TYW1: variants seen among roughly 807,000 people sequenced by gnomAD.
TYW1 encodes S-adenosyl-L-methionine-dependent tRNA 4-demethylwyosine synthase TYW1.
Under a neutral mutation model 96.2 loss-of-function variants are expected in TYW1, and 46 were observed. That is an observed-to-expected ratio of 0.48 (90% CI 0.38 to 0.61). The LOEUF (loss-of-function observed/expected upper bound fraction) is 0.61. Ranked by LOEUF, TYW1 falls within the 20% of genes least tolerant of loss-of-function variation. The pLI, the probability that TYW1 is intolerant of heterozygous loss-of-function variation, is 0.00. For missense variants in TYW1, 684 were observed against 909.6 expected, an observed-to-expected ratio of 0.75 and a Z score of 3.19; for synonymous variants, 274 against 323.0, an observed-to-expected ratio of 0.85 and a Z score of 1.63.
At chr7:67,228,269 T>C (rs560061157) in intron 15 of TYW1, among the ~76,000 whole-genome samples, 1 of 152,280 alleles carries the variant, frequency 6.6e-6, no homozygotes, top group Admixed American at 6.5e-5. Context: ...ATCACAATCG[T>C]GGCGGAAGGT....
intron 12 of TYW1, among the ~76,000 whole-genome samples, chr7:67,113,662 G>A (rs1279641080): frequency 2.3e-5 from 3 of 131,826 alleles, no homozygotes; most frequent in East Asian, 4.0e-4. Context: ...TTTTTGATGT[G>A]GAGTCTTGCT....
At chr7:67,224,536 G>T (rs1417393001) in intron 15 of TYW1, among the ~76,000 whole-genome samples, 1 of 152,176 alleles carries the variant, frequency 6.6e-6, no homozygotes, top group Non-Finnish European at 1.5e-5. Context: ...GAACTCAGTG[G>T]TAAACTTAGC....
intron 13 of TYW1, among the ~76,000 whole-genome samples, chr7:67,155,818 T>G (rs755981480): frequency 3.3e-5 from 5 of 152,222 alleles, no homozygotes; most frequent in Admixed American, 6.5e-5. Context: ...ATTGATATCT[T>G]ACACCTGGTT....
intron 15 of TYW1, among the ~76,000 whole-genome samples, chr7:67,234,348 T>TAAAAAAAAA (rs57100190): frequency 0.071 from 6,059 of 85,016 alleles, 88 homozygotes; most frequent in Non-Finnish European, 0.091. Flanking sequence ...ACCTATCTCT[T>TAAAAAAAAA]AAAAAAAAAA....
chr7:67,165,541 A>C (rs1799293243), intron 13 of TYW1, among the ~76,000 whole-genome samples: 1 of 151,804 alleles, frequency 6.6e-6, no homozygotes. Context: ...CTATCTTCCC[A>C]GTTTTGGCAG....
chr7:67,116,873 T>TA (rs1344140922), intron 12 of TYW1, among the ~76,000 whole-genome samples: 2 of 152,200 alleles, frequency 1.3e-5, no homozygotes, highest in Non-Finnish European at 2.9e-5. Context: ...TGGTCCTGTG[T>TA]AAGTATGAGG....
chr7:67,200,866 T>A (rs1156663855), intron 15 of TYW1, among the ~76,000 whole-genome samples: 2 of 151,930 alleles, frequency 1.3e-5, no homozygotes, highest in African/African-American at 2.4e-5. Context: ...GCAGAAACAG[T>A]ACAAGCAGAG....
At chr7:67,112,618 A>AG in intron 12 of TYW1, among the ~76,000 whole-genome samples, 1 of 66,058 alleles carries the variant, frequency 1.5e-5, no homozygotes, top group African/African-American at 9.0e-5. Flanking sequence ...TCTTGTCTTT[A>AG]AAAAAAAAAA....
At chr7:67,194,293 A>G (rs920843748) in intron 14 of TYW1, among the ~76,000 whole-genome samples, 5 of 151,784 alleles carry the variant, frequency 3.3e-5, no homozygotes, top group Non-Finnish European at 7.4e-5. Context: ...TTGTTTATGT[A>G]ACCACATTCA....
At chr7:67,094,671 TG>T (rs1796837126) in intron 11 of TYW1, among the ~76,000 whole-genome samples, 1 of 151,812 alleles carries the variant, frequency 6.6e-6, no homozygotes, top group Non-Finnish European at 1.5e-5. Flanking sequence ...TGTGTGTGTG[TG>T]TGTGTGTGTG....
intron 15 of TYW1, among the ~76,000 whole-genome samples, chr7:67,202,683 C>CA (rs1800640023): frequency 6.6e-6 from 1 of 152,146 alleles, no homozygotes; most frequent in Non-Finnish European, 1.5e-5. Context: ...AGACATGAGC[C>CA]ACCGTAAGCC....
Position 67,233,576 on chromosome 7 carries a change from G to A in TYW1, c.1978-4732G>A, listed in dbSNP as rs558396614. On this transcript the variant is annotated intron_variant, in intron 15 of 15. Coordinates refer to ENST00000359626, the MANE Select transcript of TYW1 (RefSeq NM_018264.4). ...TTATTTGTAATTCTGCATAGATTCC[G>A]TTCTTCCCTTACTGTTGGATTCGAG... 5.8e-4 allele frequency among the ~76,000 whole-genome samples: 79 copies of A among 135,206 alleles called. 19 individuals are homozygous for A. Among genetic ancestry groups the A allele is most frequent in the Non-Finnish European group, 1.1e-3 (68 of 62,814 alleles). 88.7% of individuals were successfully genotyped at this position (135,206 alleles called of 152,430 possible).
chr7:67,197,965 C>G (rs999152303), intron 15 of TYW1, among the ~76,000 whole-genome samples: 1 of 144,936 alleles, frequency 6.9e-6, no homozygotes, highest in Admixed American at 7.0e-5. Flanking sequence ...CCCTGCCCCC[C>G]GCCCCCGCAG....
At chr7:67,148,754 C>T (rs1235516640) in intron 13 of TYW1, among the ~76,000 whole-genome samples, 4 of 152,006 alleles carry the variant, frequency 2.6e-5, no homozygotes, top group Admixed American at 1.3e-4. Flanking sequence ...TTTATTTGTT[C>T]TAGGTCACAC....
intron 13 of TYW1, among the ~76,000 whole-genome samples, chr7:67,155,289 C>T (rs1471296584): frequency 6.6e-6 from 1 of 152,128 alleles, no homozygotes; most frequent in Non-Finnish European, 1.5e-5. Context: ...AGACAGATCC[C>T]TCAGGAATGA....
intron 7 of TYW1, among the ~76,000 whole-genome samples, chr7:67,039,852 G>C (rs1794960280): frequency 6.6e-6 from 1 of 151,912 alleles, no homozygotes; most frequent in East Asian, 1.9e-4. Flanking sequence ...TAGTATAGAC[G>C]GGGTTTCACC....
At chr7:67,160,500 G>T (rs904536131) in intron 13 of TYW1, among the ~76,000 whole-genome samples, 5 of 78,276 alleles carry the variant, frequency 6.4e-5, no homozygotes, top group Non-Finnish European at 1.0e-4. Context: ...TTTTATTAAG[G>T]ACTTAAGGAC....
intron 13 of TYW1, among the ~76,000 whole-genome samples, chr7:67,149,683 A>G (rs1254751267): frequency 6.7e-6 from 1 of 150,234 alleles, no homozygotes; most frequent in Non-Finnish European, 1.5e-5. Flanking sequence ...CTGATGTGAT[A>G]TTTTTCTAGC....
In TYW1 at chr7:67,017,127, C is replaced by T. The variant is rs1794053502; in HGVS notation, c.571-726C>T. Among the ~76,000 whole-genome samples the T allele has an allele frequency of 2.0e-5, 3 of 151,874 alleles. No individual in the cohort carries two copies. The South Asian group carries it at 6.2e-4, about 32-fold the overall frequency. ...CCTTACAAGTAGCCTGAATTATAGG[C>T]ATGTGCCACCATGCCCCACTAATTT... On this transcript the variant is annotated intron_variant, in intron 5 of 15. Coordinates refer to ENST00000359626, the MANE Select transcript of TYW1 (RefSeq NM_018264.4).
Sources: gnomAD v4.1 joint callset for allele counts (sites outside exome capture counted in the v4.1 genomes callset) on GRCh38, gnomAD v4.1.1 for gene constraint, MANE v1.5 for transcripts, NCBI Gene and HGNC (gene_info 2026-07-23, HGNC 2026-07-21) for gene names.